Variants in CNTNAP4 observed in about 807,000 individuals in gnomAD.
The protein encoded by CNTNAP4 is contactin-associated protein-like 4.
A neutral mutation model predicts 148.4 loss-of-function variants in CNTNAP4; 98 were observed. The ratio of observed to expected loss-of-function variants is 0.66; its 90% CI spans 0.56 to 0.78. The LOEUF is 0.78. Among genes scored for constraint, CNTNAP4 ranks in the 30% least tolerant of loss-of-function variants. The pLI, the probability that CNTNAP4 is intolerant of heterozygous loss-of-function variation, is 0.00. For synonymous variants in CNTNAP4, 730 were observed against 565.1 expected (o/e 1.29, Z -4.14); for missense variants, 1,935 against 1,565.6 (o/e 1.24, Z -3.98).
intron 3 of CNTNAP4, among the ~76,000 whole-genome samples, chr16:76,410,534 G>A (rs34153312): frequency 0.35 from 52,959 of 151,360 alleles, 10,913 homozygotes; most frequent in Non-Finnish European, 0.44. Flanking sequence ...ATTGAAATAA[G>A]CAGTTTACAC....
chr16:76,371,495 G>T (rs769792212), intron 3 of CNTNAP4, among the ~76,000 whole-genome samples: 2 of 152,084 alleles, frequency 1.3e-5, no homozygotes, highest in Non-Finnish European at 2.9e-5. Context: ...ATGTTATCCA[G>T]TCTGGTCTCG....
intron 2 of CNTNAP4, among the ~76,000 whole-genome samples, chr16:76,340,298 C>G (rs1597248153): frequency 6.6e-6 from 1 of 152,154 alleles, no homozygotes; most frequent in South Asian, 2.1e-4. Context: ...TACCCAAATC[C>G]CACAGGCCTT....
chr16:76,310,330 C>G (rs928601471), intron 1 of CNTNAP4, among the ~76,000 whole-genome samples: 2 of 152,090 alleles, frequency 1.3e-5, no homozygotes, highest in Non-Finnish European at 2.9e-5. Context: ...GAAATCTTGA[C>G]TAACAAGTAA....
chr16:76,485,570 T>A (rs1436400932), intron 12 of CNTNAP4, among the ~76,000 whole-genome samples: 2 of 152,150 alleles, frequency 1.3e-5, no homozygotes, highest in Admixed American at 1.3e-4. Context: ...ACTCTATGGG[T>A]TAAACTCACC....
chr16:76,363,653 C>T (rs1019468273), intron 3 of CNTNAP4, among the ~76,000 whole-genome samples: 2 of 152,078 alleles, frequency 1.3e-5, no homozygotes, highest in Non-Finnish European at 2.9e-5. Flanking sequence ...AGTGGAACTA[C>T]GTCAACAAAA....
intron 20 of CNTNAP4, among the ~76,000 whole-genome samples, chr16:76,540,218 A>G (rs2084390598): frequency 6.6e-6 from 1 of 152,150 alleles, no homozygotes; most frequent in South Asian, 2.1e-4. Flanking sequence ...TGTTAATGAT[A>G]TGAGTCACAG....
intron 4 of CNTNAP4, among the ~76,000 whole-genome samples, chr16:76,445,776 T>C (rs2080216047): frequency 6.6e-6 from 1 of 152,182 alleles, no homozygotes; most frequent in Non-Finnish European, 1.5e-5. Flanking sequence ...TCAAAAATAG[T>C]CTTTACCTAA....
At chr16:76,485,059 ATAAT>A (rs1315205912) in intron 12 of CNTNAP4, among the ~76,000 whole-genome samples, 2 of 152,210 alleles carry the variant, frequency 1.3e-5, no homozygotes, top group Non-Finnish European at 2.9e-5. Context: ...TAGTTTCAAA[ATAAT>A]TAGTTAGAGT....
chr16:76,535,863 C>G (rs2084192606), intron 18 of CNTNAP4, 79 bp downstream of exon 18: 1 of 1,442,758 alleles, frequency 6.9e-7, no homozygotes, highest in East Asian at 2.5e-5. Flanking sequence ...TTCTATGCAG[C>G]TATTTGAAAC....
At chr16:76,542,114 T>C (rs574077554) in intron 21 of CNTNAP4, among the ~76,000 whole-genome samples, 1 of 152,326 alleles carries the variant, frequency 6.6e-6, no homozygotes, top group Admixed American at 6.5e-5. Flanking sequence ...TCTGTGCACA[T>C]GGGTATTAGC....
At chr16:76,332,666 A>C (rs1364989655) in intron 2 of CNTNAP4, among the ~76,000 whole-genome samples, 1 of 152,116 alleles carries the variant, frequency 6.6e-6, no homozygotes, top group Non-Finnish European at 1.5e-5. Context: ...CATTATGCAT[A>C]CATTGATAAA....
intron 3 of CNTNAP4, among the ~76,000 whole-genome samples, chr16:76,380,835 G>T (rs2144696193): frequency 6.6e-6 from 1 of 152,178 alleles, no homozygotes; most frequent in Non-Finnish European, 1.5e-5. Context: ...CATATATATA[G>T]GATGCCTCTT....
At chr16:76,324,566 ACT>A (rs1251403626) in intron 2 of CNTNAP4, among the ~76,000 whole-genome samples, 5 of 152,090 alleles carry the variant, frequency 3.3e-5, no homozygotes, top group African/African-American at 9.7e-5. Context: ...CTCTCAGGAA[ACT>A]CTGAGGGATA....
chr16:76,340,666 C>T (rs1484914096), intron 2 of CNTNAP4, among the ~76,000 whole-genome samples: 1 of 152,194 alleles, frequency 6.6e-6, no homozygotes, highest in East Asian at 1.9e-4. Flanking sequence ...GTGCCAACAC[C>T]TATTCTAGCA....
At chr16:76,342,622 G>A (rs1348103544) in intron 2 of CNTNAP4, among the ~76,000 whole-genome samples, 5 of 151,744 alleles carry the variant, frequency 3.3e-5, no homozygotes, top group Non-Finnish European at 7.4e-5. Context: ...ACAGGCACCC[G>A]CCACCACGCT....
At chr16:76,531,236 G>C (rs1167036216) in intron 17 of CNTNAP4, among the ~76,000 whole-genome samples, 1 of 152,160 alleles carries the variant, frequency 6.6e-6, no homozygotes, top group Non-Finnish European at 1.5e-5. Flanking sequence ...AATTTAAAGT[G>C]TAATCTCAAA....
chr16:76,444,011 A>G (rs773188345), intron 4 of CNTNAP4, among the ~76,000 whole-genome samples: 1 of 152,236 alleles, frequency 6.6e-6, no homozygotes, highest in Non-Finnish European at 1.5e-5. Context: ...ATTCAAATAC[A>G]GAATATACAT....
chr16:76,429,746 C>T (rs1215726471), intron 4 of CNTNAP4, among the ~76,000 whole-genome samples: 2 of 152,170 alleles, frequency 1.3e-5, no homozygotes, highest in African/African-American at 4.8e-5. Flanking sequence ...CTGTCTTGAT[C>T]TGCAGCTCTC....
chr16:76,544,198 T>G (rs190162051), intron 21 of CNTNAP4, among the ~76,000 whole-genome samples: 153 of 152,106 alleles, frequency 1.0e-3, no homozygotes, highest in African/African-American at 3.6e-3. Context: ...GGGAGTAGCA[T>G]ATAAACATTG....
Sources: allele counts gnomAD v4.1 joint callset (sites outside exome capture counted in the v4.1 genomes callset), GRCh38; gene constraint gnomAD v4.1.1; transcripts MANE v1.5; gene names NCBI Gene and HGNC (gene_info 2026-07-23, HGNC 2026-07-21).